The following SESN3 variants were observed in gnomAD, a reference collection of about 807,000 sequenced individuals.
SESN3 encodes the protein sestrin 3, also known as sestrin-3.
In SESN3, 21 loss-of-function variants were observed where a neutral mutation model predicts 55.3. The observed-to-expected ratio is 0.38, with a 90% CI of 0.27 to 0.55. The LOEUF is 0.55. Ranked by LOEUF, SESN3 falls within the 20% of genes least tolerant of loss-of-function variation. SESN3 has a pLI of 0.76. For missense variants in SESN3, 408 were observed against 604.3 expected (o/e 0.68, Z 3.41); for synonymous variants, 181 against 203.1 (o/e 0.89, Z 0.93).
intron 1 of SESN3, among the ~76,000 whole-genome samples, chr11:95,210,454 G>T (rs934573610): frequency 2.0e-5 from 3 of 152,196 alleles, no homozygotes; most frequent in African/African-American, 7.2e-5. Context: ...AAGTTATGAA[G>T]CAGCAGAAGG....
At chr11:95,181,868 G>A (rs1860064863) in intron 6 of SESN3, among the ~76,000 whole-genome samples, 2 of 152,072 alleles carry the variant, frequency 1.3e-5, no homozygotes, top group Admixed American at 6.6e-5. Context: ...CTATTGTACT[G>A]AGTCTTTTTT....
chr11:95,229,316 A>G (rs1286091496), intron 1 of SESN3, among the ~76,000 whole-genome samples: 1 of 152,220 alleles, frequency 6.6e-6, no homozygotes, highest in Non-Finnish European at 1.5e-5. Context: ...AAGCTACCCT[A>G]CAATGAGCTG....
chr11:95,208,830 T>C (rs1165547233), intron 1 of SESN3, among the ~76,000 whole-genome samples: 1 of 151,596 alleles, frequency 6.6e-6, no homozygotes, highest in Non-Finnish European at 1.5e-5. Flanking sequence ...AAGGATTCCC[T>C]ATTTAATAAA....
Position 95,167,713 on chromosome 11 carries a change from G to C in SESN3, c.*5542C>G, listed in dbSNP as rs1203050666. On this transcript the variant is annotated 3_prime_UTR_variant, in exon 10 of 10. Transcript: ENST00000536441. ...GATGGAAAACAACCAAATACTACAA[G>C]AAATAATAATAATCTATACTTTCAA... 1.3e-5 allele frequency: 2 copies of C among 152,078 alleles called. No individual in the cohort carries two copies. The highest frequency in any genetic ancestry group is 4.8e-5 in the African/African-American group (2 of 41,404). The allele number at this position is 152,078 out of a possible 1,614,324, so 9.4% of individuals were successfully genotyped here.
chr11:95,170,299 C>T lies in SESN3; in HGVS notation c.*2956G>A, dbSNP rs1019202687. The T allele has an allele frequency of 1.3e-5, 2 of 152,078 alleles. No individual in the cohort carries two copies. The highest frequency in any genetic ancestry group is 4.8e-5 in the African/African-American group (2 of 41,410). 9.4% of individuals were successfully genotyped at this position (152,078 alleles called of 1,614,324 possible). ...AGGTGATCTGAGAAATTATAAATTACCATTGAAGCTGGAAATCTTGAAATT... is the reference window on the plus strand; with the variant it reads ...AGGTGATCTGAGAAATTATAAATTATCATTGAAGCTGGAAATCTTGAAATT... On this transcript the variant is annotated 3_prime_UTR_variant, in exon 10 of 10. Coordinates refer to ENST00000536441, the MANE Select transcript of SESN3 (RefSeq NM_144665.4).
chr11:95,220,140 C>T (rs757195438), intron 1 of SESN3, among the ~76,000 whole-genome samples: 1 of 152,044 alleles, frequency 6.6e-6, no homozygotes, highest in East Asian at 1.9e-4. Context: ...GATAACAGTC[C>T]AAGGGTTTCT....
intron 7 of SESN3, among the ~76,000 whole-genome samples, chr11:95,178,218 G>C (rs1859994755): frequency 6.6e-6 from 1 of 152,128 alleles, no homozygotes; most frequent in Non-Finnish European, 1.5e-5. Context: ...ATTCCCATGT[G>C]AACAAACCTA....
At chr11:95,222,770 G>A (rs527980720) in intron 1 of SESN3, among the ~76,000 whole-genome samples, 2 of 152,340 alleles carry the variant, frequency 1.3e-5, no homozygotes, top group Admixed American at 6.5e-5. Flanking sequence ...AATGTCGTCA[G>A]ACTTTTGAAG....
upstream of SESN3, chr11:95,231,895 A>T (rs1388875219): frequency 6.6e-6 from 1 of 152,188 alleles, no homozygotes; most frequent in Non-Finnish European, 1.5e-5. Context: ...ATATATATTT[A>T]CGCAAGTAAT....
chr11:95,229,363 G>T (rs977972197), intron 1 of SESN3, among the ~76,000 whole-genome samples: 1 of 151,822 alleles, frequency 6.6e-6, no homozygotes, highest in Admixed American at 6.6e-5. Context: ...TAGAGTTTAT[G>T]GAAAAAAATA....
At chr11:95,195,463 C>G (rs1016190442) in intron 1 of SESN3, among the ~76,000 whole-genome samples, 6 of 152,096 alleles carry the variant, frequency 3.9e-5, no homozygotes, top group African/African-American at 1.4e-4. Flanking sequence ...ATTAATTGAG[C>G]ATCTACAATG....
At chr11:95,192,301 T>C (rs1334194953) in intron 2 of SESN3, among the ~76,000 whole-genome samples, 1 of 152,036 alleles carries the variant, frequency 6.6e-6, no homozygotes. Flanking sequence ...CAATGACAGT[T>C]TGGGCATCAC....
intron 1 of SESN3, among the ~76,000 whole-genome samples, chr11:95,197,661 C>T (rs1003768670): frequency 1.3e-5 from 2 of 152,024 alleles, no homozygotes; most frequent in African/African-American, 4.8e-5. Flanking sequence ...CTTGCAACTC[C>T]TTCCTTATAA....
At position 95,175,673 on chromosome 11, in the gene SESN3, G is replaced by T. The variant is rs550937385; in HGVS notation, c.1248-31C>A. ...AGCAATACAACAATAGCTTTATAAT[G>T]ACAAAATCAAAATATTTAGTTTCCA... On this transcript the variant is annotated intron_variant, in intron 8 of 9. Transcript: ENST00000536441. 3.7e-5 allele frequency: 58 copies of T among 1,566,734 alleles called. No homozygotes were observed. In the Middle Eastern group the frequency reaches 1.9e-3, roughly 50 times the overall value.
chr11:95,193,650 G>C, intron 1 of SESN3, 128 bp from the exon 2 acceptor site: 1 of 605,842 alleles, frequency 1.7e-6, no homozygotes, highest in Non-Finnish European at 2.9e-6. Flanking sequence ...ACCAGAGTAA[G>C]TGTTGGGTTT....
chr11:95,189,436 C>T (rs983005971), intron 4 of SESN3, among the ~76,000 whole-genome samples: 6 of 151,904 alleles, frequency 3.9e-5, no homozygotes, highest in Admixed American at 6.6e-5. Flanking sequence ...GAAGGGAGAA[C>T]AGAAGCCCAT....
chr11:95,191,393 T>C lies in SESN3; in HGVS notation c.342+11A>G. 1 of 1,599,740 alleles carries C rather than the reference T, an allele frequency of 6.3e-7. No individual in the cohort carries two copies. The highest frequency in any genetic ancestry group is 1.1e-5 in the South Asian group (1 of 90,790). ...AAGGTGTTATGTGAACATAGGAAAA[T>C]AAGCACCCACCATTATTGCAATATA... On this transcript the variant is annotated intron_variant, in intron 3 of 9. Transcript: ENST00000536441.
chr11:95,220,266 T>A (rs1430809835), intron 1 of SESN3, among the ~76,000 whole-genome samples: 2 of 152,186 alleles, frequency 1.3e-5, no homozygotes, highest in Admixed American at 1.3e-4. Flanking sequence ...CTGAAAAAAA[T>A]TTACCAAAAA....
intron 6 of SESN3, 126 bp from the exon 7 acceptor site, chr11:95,178,954 G>A (rs970188163): frequency 8.8e-5 from 50 of 568,540 alleles, no homozygotes; most frequent in Non-Finnish European, 1.4e-4. Flanking sequence ...CATGGACTCC[G>A]TGACTTTATA....
Sources: allele counts gnomAD v4.1 joint callset (sites outside exome capture counted in the v4.1 genomes callset), GRCh38; gene constraint gnomAD v4.1.1; transcripts MANE v1.5; gene names NCBI Gene and HGNC (gene_info 2026-07-23, HGNC 2026-07-21).